GMEB1: variants seen among roughly 807,000 people sequenced by gnomAD.
The protein encoded by GMEB1 is glucocorticoid modulatory element binding protein 1.
GMEB1 carries 6 observed loss-of-function variants against 52.4 expected under a neutral mutation model. The ratio of observed to expected loss-of-function variants is 0.11; its 90% CI spans 0.06 to 0.23. The LOEUF (loss-of-function observed/expected upper bound fraction) is 0.23, where lower values mean the gene tolerates loss of function less well. Among genes scored for constraint, GMEB1 ranks in the 10% least tolerant of loss-of-function variants. The pLI, the probability that GMEB1 is intolerant of heterozygous loss-of-function variation, is 1.00. For missense variants in GMEB1, 486 were observed against 685.6 expected (o/e 0.71, Z 3.25); for synonymous variants, 255 against 244.9 (o/e 1.04, Z -0.38).
At position 28,692,016 on chromosome 1, in the gene GMEB1, C is replaced by CT. The variant is rs1263190636; in HGVS notation, c.336+321dup. Among the ~76,000 whole-genome samples, 880 of 133,938 alleles carry CT rather than the reference C, an allele frequency of 6.6e-3. 4 individuals carry two copies. The highest frequency in any genetic ancestry group is 0.02 in the Admixed American group (271 of 13,222). 87.9% of individuals were successfully genotyped at this position (133,938 alleles called of 152,430 possible). A position where few individuals can be genotyped will look rare whatever the true frequency, so the allele number is the denominator to read the frequency against. On this transcript the variant is annotated intron_variant, in intron 4 of 9. Transcript: ENST00000373816. ...GGCAAAATGGTGAGACCTTGGCTTTCTTTTTTTTTTTTTTCAGACAGTGAC... is the reference window on the plus strand; with the variant it reads ...GGCAAAATGGTGAGACCTTGGCTTTCTTTTTTTTTTTTTTTCAGACAGTGAC...
intron 6 of GMEB1, among the ~76,000 whole-genome samples, chr1:28,701,713 T>A (rs1429476147): frequency 6.6e-6 from 1 of 152,042 alleles, no homozygotes; most frequent in Non-Finnish European, 1.5e-5. Context: ...TAACTACAGA[T>A]GTGCACCACC....
intron 1 of GMEB1, among the ~76,000 whole-genome samples, chr1:28,669,057 G>A (rs1014603582): frequency 2.6e-4 from 38 of 146,464 alleles, no homozygotes; most frequent in Admixed American, 2.0e-4. Context: ...GGACGCTGCC[G>A]CTGGGTCCGC....
chr1:28,686,577 C>G (rs1461331349), intron 2 of GMEB1, among the ~76,000 whole-genome samples: 1 of 137,190 alleles, frequency 7.3e-6, no homozygotes, highest in Non-Finnish European at 1.5e-5. Flanking sequence ...TGCAGTGAGC[C>G]GAGATTGCAC....
At chr1:28,690,310 C>T in intron 3 of GMEB1, 124 bp downstream of exon 3, 2 of 572,018 alleles carry the variant, frequency 3.5e-6, no homozygotes, top group Non-Finnish European at 6.1e-6. Flanking sequence ...CCCTGTGTGC[C>T]CTACCAGTAC....
chr1:28,686,347 A>G (rs908183948), intron 2 of GMEB1, among the ~76,000 whole-genome samples: 15 of 151,968 alleles, frequency 9.9e-5, no homozygotes, highest in Admixed American at 9.9e-4. Flanking sequence ...TGTCAAAAAA[A>G]CAAAAAAAAG....
intron 6 of GMEB1, among the ~76,000 whole-genome samples, chr1:28,698,164 A>C (rs996938696): frequency 1.3e-5 from 2 of 151,640 alleles, no homozygotes; most frequent in African/African-American, 4.8e-5. Context: ...AGGTCAAGAG[A>C]TCGAGACCAT....
Position 28,683,565 on chromosome 1 carries a change from G to A in GMEB1, c.-30-18G>A. On this transcript the variant is annotated intron_variant, in intron 1 of 9. Transcript: ENST00000373816. Reference sequence around the variant, plus strand: ...TTTTAAACCAGATTAAGTTATTGGTGCTTCTTGTTCCCGACAGCAGTCCCA... The same window carrying A: ...TTTTAAACCAGATTAAGTTATTGGTACTTCTTGTTCCCGACAGCAGTCCCA... 6.4e-7 allele frequency: 1 copy of A among 1,563,786 alleles called. No individual in the cohort carries two copies. Among genetic ancestry groups the A allele is most frequent in the East Asian group, 2.4e-5 (1 of 42,444 alleles).
intron 6 of GMEB1, among the ~76,000 whole-genome samples, chr1:28,699,416 C>G (rs909731291): frequency 6.6e-6 from 1 of 151,986 alleles, no homozygotes; most frequent in African/African-American, 2.4e-5. Flanking sequence ...GGGACATACA[C>G]TGTGCTTGTA....
chr1:28,701,119 C>A (rs999256899), intron 6 of GMEB1, among the ~76,000 whole-genome samples: 3 of 152,104 alleles, frequency 2.0e-5, no homozygotes, highest in Non-Finnish European at 2.9e-5. Context: ...TGAGGGACAA[C>A]TGTACTTCCT....
chr1:28,710,713 C>A, intron 9 of GMEB1, 71 bp downstream of exon 9: 8 of 1,087,528 alleles, frequency 7.4e-6, no homozygotes, highest in Non-Finnish European at 8.3e-6. Flanking sequence ...TTCTTGTTGA[C>A]TTTTGTTGGG....
chr1:28,702,391 C>G, intron 6 of GMEB1, 47 bp from the exon 7 acceptor site: 1 of 1,565,342 alleles, frequency 6.4e-7, no homozygotes. Flanking sequence ...ATAGCTATAA[C>G]TTTTTCGTTA....
At chr1:28,706,026 C>T (rs958116526) in intron 8 of GMEB1, among the ~76,000 whole-genome samples, 11 of 151,758 alleles carry the variant, frequency 7.2e-5, no homozygotes, top group Admixed American at 1.3e-4. Context: ...CGGTGGCGGA[C>T]GCCTGTAGTC....
chr1:28,687,387 C>CACACAAAAAAA (rs1553136455), intron 2 of GMEB1, among the ~76,000 whole-genome samples: 1 of 41,118 alleles, frequency 2.4e-5, no homozygotes, highest in Non-Finnish European at 4.4e-5. Flanking sequence ...CACACACACA[C>CACACAAAAAAA]AAAAAAAGAC....
intron 6 of GMEB1, among the ~76,000 whole-genome samples, chr1:28,701,920 A>G (rs1433599542): frequency 6.6e-6 from 1 of 152,176 alleles, no homozygotes; most frequent in Non-Finnish European, 1.5e-5. Context: ...TCTGCTATAC[A>G]TGAATCTCTT....
chr1:28,708,466 A>G (rs1234233523), intron 8 of GMEB1, among the ~76,000 whole-genome samples: 1 of 142,214 alleles, frequency 7.0e-6, no homozygotes, highest in Non-Finnish European at 1.5e-5. Flanking sequence ...GCCTGGCCCA[A>G]TTTTGTTTTT....
chr1:28,680,475 AC>A (rs1669343445), intron 1 of GMEB1, among the ~76,000 whole-genome samples: 2 of 151,962 alleles, frequency 1.3e-5, no homozygotes, highest in Non-Finnish European at 2.9e-5. Context: ...AGTGGCTCAT[AC>A]CTATAATCCT....
At chr1:28,675,594 C>T (rs558218591) in intron 1 of GMEB1, among the ~76,000 whole-genome samples, 1 of 151,224 alleles carries the variant, frequency 6.6e-6, no homozygotes, top group East Asian at 2.0e-4. Flanking sequence ...GCACAACAAT[C>T]GCTTGAACCC....
At chr1:28,682,039 T>G (rs1390199330) in intron 1 of GMEB1, among the ~76,000 whole-genome samples, 1 of 152,016 alleles carries the variant, frequency 6.6e-6, no homozygotes, top group Non-Finnish European at 1.5e-5. Context: ...TTGCATCCAT[T>G]GTGTGCCTAC....
chr1:28,673,962 A>G (rs1302714257), intron 1 of GMEB1, among the ~76,000 whole-genome samples: 7 of 151,968 alleles, frequency 4.6e-5, no homozygotes, highest in Non-Finnish European at 1.0e-4. Flanking sequence ...CCTGGCCAAC[A>G]TGATGAAACC....
Sources: allele counts gnomAD v4.1 joint callset (sites outside exome capture counted in the v4.1 genomes callset), GRCh38; gene constraint gnomAD v4.1.1; transcripts MANE v1.5; gene names NCBI Gene and HGNC (gene_info 2026-07-23, HGNC 2026-07-21).